Variants in MYLK observed in about 807,000 individuals in gnomAD.
The protein encoded by MYLK is myosin light chain kinase, smooth muscle.
A neutral mutation model predicts 203.4 loss-of-function variants in MYLK; 106 were observed. That is an observed-to-expected ratio of 0.52 (90% CI 0.45 to 0.61). The LOEUF (loss-of-function observed/expected upper bound fraction) is 0.61, where lower values mean the gene tolerates loss of function less well. Ranked by LOEUF, MYLK falls within the 20% of genes least tolerant of loss-of-function variation. The pLI, the probability that MYLK is intolerant of heterozygous loss-of-function variation, is 0.00. For missense variants in MYLK, 2,072 were observed against 2,442.3 expected, an observed-to-expected ratio of 0.85 and a Z score of 3.20; for synonymous variants, 867 against 959.5, an observed-to-expected ratio of 0.90 and a Z score of 1.78.
At position 123,732,895 on chromosome 3, in the gene MYLK, C is replaced by T; in HGVS notation, c.1516+1G>A. On this transcript the variant is annotated splice_donor_variant, in intron 11 of 33. Coordinates refer to ENST00000360304, the MANE Select transcript of MYLK (RefSeq NM_053025.4). LOFTEE classifies it high-confidence loss of function. Reference sequence around the variant, plus strand: ...GGGGTGACCTGGAGAAGTGTACTCACTTTCCACTTGGAGGGTCCAGCTACA... The same window carrying T: ...GGGGTGACCTGGAGAAGTGTACTCATTTTCCACTTGGAGGGTCCAGCTACA... 1 of 1,613,496 alleles carries T rather than the reference C, an allele frequency of 6.2e-7. No homozygotes were observed.
intron 10 of MYLK, among the ~76,000 whole-genome samples, chr3:123,733,408 T>C (rs545547591): frequency 1.3e-5 from 2 of 152,224 alleles, no homozygotes; most frequent in African/African-American, 2.4e-5. Context: ...TTGGCGATAA[T>C]GAGGGTGTTT....
At chr3:123,798,373 G>A (rs536025291) in intron 3 of MYLK, among the ~76,000 whole-genome samples, 2 of 152,282 alleles carry the variant, frequency 1.3e-5, no homozygotes, top group African/African-American at 4.8e-5. Context: ...CAGAGGAAGA[G>A]GGGCAGAGCA....
chr3:123,716,683 A>G (rs1226117396), intron 13 of MYLK, among the ~76,000 whole-genome samples: 1 of 152,176 alleles, frequency 6.6e-6, no homozygotes, highest in Non-Finnish European at 1.5e-5. Context: ...TCTCAGTTAC[A>G]CTGTCATCAC....
chr3:123,724,013 C>T (rs537115970), intron 12 of MYLK, among the ~76,000 whole-genome samples: 37 of 152,046 alleles, frequency 2.4e-4, no homozygotes, highest in Non-Finnish European at 3.7e-4. Flanking sequence ...TAGCCACACT[C>T]GTTCTTTCAC....
intron 4 of MYLK, among the ~76,000 whole-genome samples, chr3:123,784,028 G>A (rs945055823): frequency 6.6e-6 from 1 of 152,200 alleles, no homozygotes; most frequent in Non-Finnish European, 1.5e-5. Flanking sequence ...GAAATGTCAC[G>A]AGGCCCTTCC....
intron 3 of MYLK, among the ~76,000 whole-genome samples, chr3:123,825,144 C>CA (rs11419461): frequency 0.31 from 36,036 of 115,572 alleles, 4,842 homozygotes; most frequent in East Asian, 0.51. Flanking sequence ...CACCCTGTCT[C>CA]AAAAAAAAAA....
intron 2 of MYLK, among the ~76,000 whole-genome samples, chr3:123,870,183 C>G (rs2032666173): frequency 6.6e-6 from 1 of 152,218 alleles, no homozygotes; most frequent in South Asian, 2.1e-4. Flanking sequence ...TGGTGCCAAC[C>G]ACATCCCCCA....
At position 123,648,860 on chromosome 3, in the gene MYLK, G is replaced by A. The variant is rs1366921828; in HGVS notation, c.4415+111C>T. Reference sequence around the variant, plus strand: ...TGGATCCTGCAGGACTCTCAGTCTGGGGAGGAGGCAGGCCCCAGGGAGCAA... The same window carrying A: ...TGGATCCTGCAGGACTCTCAGTCTGAGGAGGAGGCAGGCCCCAGGGAGCAA... On this transcript the variant is annotated intron_variant, in intron 26 of 33. Coordinates refer to ENST00000360304, the MANE Select transcript of MYLK (RefSeq NM_053025.4). The surrounding 1 kb of genome is among the most constrained non-coding windows in gnomAD (Gnocchi z 4.5). 2.3e-6 allele frequency: 2 copies of A among 883,040 alleles called. No homozygotes were observed. Among genetic ancestry groups the A allele is most frequent in the Non-Finnish European group, 3.8e-6 (2 of 529,262 alleles). 54.7% of individuals were successfully genotyped at this position (883,040 alleles called of 1,614,324 possible). A position where few individuals can be genotyped will look rare whatever the true frequency, so the allele number is the denominator to read the frequency against.
chr3:123,695,037 G>A (rs2108539983), intron 18 of MYLK, among the ~76,000 whole-genome samples: 1 of 152,352 alleles, frequency 6.6e-6, no homozygotes, highest in East Asian at 1.9e-4. Context: ...CTGTGGTGGA[G>A]TAAGCGCTCC....
chr3:123,857,773 T>C lies in MYLK; in HGVS notation c.-127+18786A>G, dbSNP rs545642251. 2.0e-4 allele frequency among the ~76,000 whole-genome samples: 30 copies of C among 151,754 alleles called. 1 individual carries two copies. The South Asian group carries it at 5.6e-3, about 28-fold the overall frequency. On this transcript the variant is annotated intron_variant, in intron 2 of 33. Transcript: ENST00000360304. ...GTAACTAACCTGCACATTGTACACA[T>C]GTACCCTAAAACTTAAAGTATAATA... is the stretch of plus-strand genomic sequence containing the variant.
At chr3:123,681,742 T>C (rs888449023) in intron 20 of MYLK, 2 of 206,212 alleles carry the variant, frequency 9.7e-6, no homozygotes, top group African/African-American at 2.3e-5. Context: ...CGTGTGCACA[T>C]GCGAGCTAGG....
chr3:123,820,864 C>T (rs528582813), intron 3 of MYLK, among the ~76,000 whole-genome samples: 5 of 152,198 alleles, frequency 3.3e-5, no homozygotes, highest in African/African-American at 4.8e-5. Context: ...GCTGGGATTA[C>T]GAGTGTGCAC....
chr3:123,877,261 T>C (rs1401907706), intron 1 of MYLK, among the ~76,000 whole-genome samples: 1 of 152,100 alleles, frequency 6.6e-6, no homozygotes, highest in African/African-American at 2.4e-5. Flanking sequence ...GGTCAGATTA[T>C]AGAGGCCTGT....
chr3:123,650,532 G>C (rs1222271936), intron 24 of MYLK, among the ~76,000 whole-genome samples: 2 of 152,066 alleles, frequency 1.3e-5, no homozygotes, highest in Non-Finnish European at 2.9e-5. Context: ...ACAAAGCTTA[G>C]TTTTTTTAAA....
At chr3:123,709,018 C>A in intron 14 of MYLK, 123 bp from the exon 15 acceptor site, 1 of 798,194 alleles carries the variant, frequency 1.3e-6, no homozygotes. Context: ...CTTTCACTTC[C>A]CCATCAGTAA....
intron 22 of MYLK, among the ~76,000 whole-genome samples, chr3:123,664,645 C>A (rs1665938395): frequency 6.6e-6 from 1 of 152,172 alleles, no homozygotes; most frequent in Non-Finnish European, 1.5e-5. Context: ...CTGTGCTGTC[C>A]AATGCTGTAG....
At chr3:123,791,303 A>G (rs2064771549) in intron 4 of MYLK, among the ~76,000 whole-genome samples, 1 of 152,214 alleles carries the variant, frequency 6.6e-6, no homozygotes, top group African/African-American at 2.4e-5. Context: ...ACCTCAGGCT[A>G]ACACCACCTA....
At chr3:123,777,925 C>G (rs558307152) in intron 4 of MYLK, among the ~76,000 whole-genome samples, 1 of 152,128 alleles carries the variant, frequency 6.6e-6, no homozygotes, top group African/African-American at 2.4e-5. Context: ...AAAATGATTT[C>G]CAGAAAGCTA....
At chr3:123,750,813 T>C (rs936169) in intron 5 of MYLK, among the ~76,000 whole-genome samples, 136,540 of 152,256 alleles carry the variant, frequency 0.9, 62,948 homozygotes, top group East Asian at 1. Flanking sequence ...AGGTCCATCC[T>C]GAGGTTCTGA....
Sources: allele counts gnomAD v4.1 joint callset (sites outside exome capture counted in the v4.1 genomes callset), GRCh38; gene constraint gnomAD v4.1.1; non-coding constraint Gnocchi (gnomAD v3.1); transcripts MANE v1.5; gene names NCBI Gene and HGNC (gene_info 2026-07-23, HGNC 2026-07-21).